Variants in COL26A1 observed in about 807,000 individuals in gnomAD.
COL26A1 encodes the protein collagen type XXVI alpha 1 chain, also known as collagen alpha-1(XXVI) chain.
Under a neutral mutation model 59.3 loss-of-function variants are expected in COL26A1, and 41 were observed. That is an observed-to-expected ratio of 0.69 (90% CI 0.54 to 0.90). The LOEUF (loss-of-function observed/expected upper bound fraction) is 0.90, where lower values mean the gene tolerates loss of function less well. Ranked by LOEUF, COL26A1 falls within the 40% of genes least tolerant of loss-of-function variation. COL26A1 has a pLI of 0.00. For synonymous variants in COL26A1, 266 were observed against 256.0 expected (o/e 1.04, Z -0.37); for missense variants, 612 against 602.3 (o/e 1.02, Z -0.17).
chr7:101,460,149 G>A (rs1306004377), intron 3 of COL26A1, among the ~76,000 whole-genome samples: 3 of 152,148 alleles, frequency 2.0e-5, no homozygotes, highest in African/African-American at 4.8e-5. Flanking sequence ...CGTTCCGGGC[G>A]CCGGATGCTT....
At chr7:101,442,685 G>C (rs1051588074) in intron 2 of COL26A1, among the ~76,000 whole-genome samples, 1 of 152,160 alleles carries the variant, frequency 6.6e-6, no homozygotes, top group African/African-American at 2.4e-5. Context: ...TCAGAGGTTA[G>C]TCCTCAGGTA....
In COL26A1 at chr7:101,363,200, T is replaced by C. The variant is rs1291365481; in HGVS notation, c.158+10T>C. 1 of 653,818 alleles carries C rather than the reference T, an allele frequency of 1.5e-6. No individual in the cohort carries two copies. Among genetic ancestry groups the C allele is most frequent in the Non-Finnish European group, 2.1e-6 (1 of 466,902 alleles). 40.5% of individuals were successfully genotyped at this position (653,818 alleles called of 1,614,324 possible). On this transcript the variant is annotated intron_variant, in intron 1 of 12. Coordinates refer to ENST00000313669, the MANE Select transcript of COL26A1 (RefSeq NM_001278563.3). ...GCTACGCGAGCCGCCGGTGAGTAGC[T>C]CGGGGCCGAGGGGCCGGGGGGTGGG...
chr7:101,404,381 C>T (rs887504413), intron 1 of COL26A1, among the ~76,000 whole-genome samples: 19 of 152,134 alleles, frequency 1.2e-4, no homozygotes, highest in African/African-American at 4.6e-4. Flanking sequence ...ACTATCAAGG[C>T]GTGAGAATGT....
At chr7:101,452,125 C>G (rs773433554) in intron 3 of COL26A1, among the ~76,000 whole-genome samples, 3 of 152,190 alleles carry the variant, frequency 2.0e-5, no homozygotes, top group Non-Finnish European at 4.4e-5. Context: ...TCATACGGCA[C>G]GTGGGCAGGC....
chr7:101,429,800 A>C (rs916467065), intron 2 of COL26A1, among the ~76,000 whole-genome samples: 3 of 151,738 alleles, frequency 2.0e-5, no homozygotes, highest in Admixed American at 6.6e-5. Context: ...ATCTTGCTAC[A>C]TTGCCCAGGT....
At chr7:101,551,468 C>T (rs892713738) in intron 10 of COL26A1, among the ~76,000 whole-genome samples, 9 of 152,224 alleles carry the variant, frequency 5.9e-5, no homozygotes, top group Admixed American at 4.6e-4. Flanking sequence ...GAAGTCCCTT[C>T]TTTTCTCTGA....
At chr7:101,415,921 C>CCATGCCTGG (rs1470889068) in intron 1 of COL26A1, among the ~76,000 whole-genome samples, 1 of 145,704 alleles carries the variant, frequency 6.9e-6, no homozygotes, top group Non-Finnish European at 1.6e-5. Context: ...GCGTGAGCCA[C>CCATGCCTGG]TGCACCCAAC....
At chr7:101,437,130 GAGA>G (rs1792935590) in intron 2 of COL26A1, among the ~76,000 whole-genome samples, 1 of 152,188 alleles carries the variant, frequency 6.6e-6, no homozygotes, top group African/African-American at 2.4e-5. Context: ...TGGCTCCGTG[GAGA>G]AGGATGTCAG....
Position 101,362,940 on chromosome 7 carries a change from C to T in COL26A1, c.-93C>T, listed in dbSNP as rs1790928382. ...CTCGCCCCGCTCCTCTCGCTGTGCT[C>T]CCGGCCGGTGCCGCGGGTTCGGTCC... On this transcript the variant is annotated 5_prime_UTR_variant, in exon 1 of 13. Coordinates refer to ENST00000313669, the MANE Select transcript of COL26A1 (RefSeq NM_001278563.3). 5 of 1,340,458 alleles carry T rather than the reference C, an allele frequency of 3.7e-6. No individual in the cohort carries two copies. Among genetic ancestry groups the T allele is most frequent in the Admixed American group, 2.6e-5 (1 of 37,962 alleles). 83.0% of individuals were successfully genotyped at this position (1,340,458 alleles called of 1,614,324 possible).
At chr7:101,466,372 C>A (rs1366129085) in intron 3 of COL26A1, among the ~76,000 whole-genome samples, 1 of 152,010 alleles carries the variant, frequency 6.6e-6, no homozygotes, top group East Asian at 1.9e-4. Flanking sequence ...TGTCATTCCC[C>A]GACCTGCCCA....
intron 3 of COL26A1, among the ~76,000 whole-genome samples, chr7:101,515,550 C>A (rs1307227057): frequency 6.6e-6 from 1 of 151,188 alleles, no homozygotes. Flanking sequence ...TCCCAAAGTG[C>A]TGGGATTACA....
At chr7:101,421,003 C>A (rs949546671) in intron 2 of COL26A1, among the ~76,000 whole-genome samples, 1 of 152,102 alleles carries the variant, frequency 6.6e-6, no homozygotes, top group Non-Finnish European at 1.5e-5. Flanking sequence ...CCCCAAGCAC[C>A]GTGGAGCCGC....
intron 3 of COL26A1, among the ~76,000 whole-genome samples, chr7:101,512,783 C>T (rs1811000205): frequency 6.6e-6 from 1 of 151,952 alleles, no homozygotes; most frequent in African/African-American, 2.4e-5. Flanking sequence ...TAGGTCCTTA[C>T]CATGTAGTTC....
At position 101,558,089 on chromosome 7, in the gene COL26A1, C is replaced by T. The variant is rs781079817; in HGVS notation, c.*559C>T. ...AAACTCAGACAGGGAGGGCGCAGGG[C>T]CAGAACGGCTCCTTAAGGCAGGCAG... On this transcript the variant is annotated 3_prime_UTR_variant, in exon 13 of 13. Transcript: ENST00000313669. The T allele has an allele frequency of 2.0e-4, 31 of 152,380 alleles. No individual in the cohort carries two copies. The highest frequency in any genetic ancestry group is 3.8e-4 in the Non-Finnish European group (26 of 68,184). The allele number at this position is 152,380 out of a possible 1,614,324, so 9.4% of individuals were successfully genotyped here. A position where few individuals can be genotyped will look rare whatever the true frequency, so the allele number is the denominator to read the frequency against.
At chr7:101,456,728 C>G (rs1412956735) in intron 3 of COL26A1, among the ~76,000 whole-genome samples, 1 of 152,172 alleles carries the variant, frequency 6.6e-6, no homozygotes, top group African/African-American at 2.4e-5. Context: ...GTTGACCAGG[C>G]TGGTCTCAAA....
At chr7:101,511,113 A>T (rs1794914480) in intron 3 of COL26A1, among the ~76,000 whole-genome samples, 1 of 151,606 alleles carries the variant, frequency 6.6e-6, no homozygotes, top group Non-Finnish European at 1.5e-5. Context: ...CATGTTAGCC[A>T]GGATGGTCTC....
At chr7:101,385,248 T>C (rs796816358) in intron 1 of COL26A1, among the ~76,000 whole-genome samples, 1,573 of 148,134 alleles carry the variant, frequency 0.011, 14 homozygotes, top group Middle Eastern at 0.028. Context: ...TATATATATA[T>C]ATACACACAC....
intron 3 of COL26A1, among the ~76,000 whole-genome samples, chr7:101,487,010 C>T (rs35179431): frequency 8.5e-5 from 13 of 152,128 alleles, no homozygotes; most frequent in Admixed American, 7.9e-4. Context: ...CCGACAGCTC[C>T]CAATTAAGGG....
At chr7:101,511,054 C>A (rs1166797099) in intron 3 of COL26A1, among the ~76,000 whole-genome samples, 1 of 152,038 alleles carries the variant, frequency 6.6e-6, no homozygotes, top group Non-Finnish European at 1.5e-5. Context: ...GCGCCCACCA[C>A]CATGCCTGGC....
Sources: gnomAD v4.1 joint callset for allele counts (sites outside exome capture counted in the v4.1 genomes callset) on GRCh38, gnomAD v4.1.1 for gene constraint, MANE v1.5 for transcripts, NCBI Gene and HGNC (gene_info 2026-07-23, HGNC 2026-07-21) for gene names.